The following IZUMO4 variants were observed in gnomAD, a reference collection of about 807,000 sequenced individuals.
IZUMO4 encodes izumo sperm-egg fusion protein 4.
IZUMO4 carries 51 observed loss-of-function variants against 37.1 expected under a neutral mutation model. The ratio of observed to expected loss-of-function variants is 1.38; its 90% CI spans 1.10 to 1.74. IZUMO4 has a LOEUF of 1.74. Among genes scored for constraint, IZUMO4 ranks in the 40% most tolerant of loss-of-function variants. IZUMO4 has a pLI of 0.00. For missense variants in IZUMO4, 364 were observed against 299.6 expected (o/e 1.21, Z -1.59); for synonymous variants, 162 against 121.4 (o/e 1.33, Z -2.20).
intron 7 of IZUMO4, 93 bp from the exon 8 acceptor site, chr19:2,098,694 C>T (rs1234840225): frequency 5.1e-6 from 8 of 1,573,082 alleles, no homozygotes; most frequent in East Asian, 4.5e-5. Context: ...TGGTTCCACC[C>T]CATCCCAGGT....
At chr19:2,098,746 G>T (rs779793731) in intron 7 of IZUMO4, 41 bp from the exon 8 acceptor site, 3 of 1,605,128 alleles carry the variant, frequency 1.9e-6, no homozygotes, top group South Asian at 2.2e-5. Context: ...ATGGTTAGGG[G>T]TGCCCCATGG....
At chr19:2,099,086 A>T (rs1315730196) in intron 9 of IZUMO4, 57 bp downstream of exon 9, 1 of 1,535,574 alleles carries the variant, frequency 6.5e-7, no homozygotes, top group Non-Finnish European at 9.0e-7. Flanking sequence ...AGCCAACACC[A>T]GCGTGCCGCG....
chr19:2,097,152 C>T lies in IZUMO4; in HGVS notation c.207C>T (p.Pro69=), dbSNP rs749219559. ...TGAAGGAGCTGCACCTGGCCATCCC[C>T]GCCAAGATCAGTGAGTGCCGGAGCC... ...DTMKELHLAI[P]AKITREKLDQ... The change falls in exon 1 of 10, where the codon CCC becomes CCT. Residue 69 remains proline (P), a synonymous_variant. Transcript: ENST00000395301. 6.2e-7 allele frequency: 1 copy of T among 1,610,522 alleles called. No homozygotes were observed. Among genetic ancestry groups the T allele is most frequent in the African/African-American group, 1.3e-5 (1 of 75,030 alleles).
At position 2,099,021 on chromosome 19, in the gene IZUMO4, C is replaced by G. The variant is rs776751611; in HGVS notation, c.600C>G (p.Thr200=). The change falls in exon 9 of 10, where the codon ACC becomes ACG. Residue 200 remains threonine (T), a synonymous_variant. Transcript: ENST00000395301. The part of the protein sequence containing the change: ...AFSWPGTHRA[T]PAFLVSPALR... ...CCTGGCCTGGGACACACAGAGCCAC[C>G]CCGGCCTTGTGAGTGACCCAGAGAA... The G allele has an allele frequency of 3.7e-6, 6 of 1,613,024 alleles. No individual in the cohort carries two copies. The highest frequency in any genetic ancestry group is 5.1e-6 in the Non-Finnish European group (6 of 1,179,906).
At position 2,099,052 on chromosome 19, in the gene IZUMO4, G is replaced by A. The variant is rs112632238; in HGVS notation, c.608+23G>A. The A allele has an allele frequency of 1.7e-3, 2,740 of 1,609,966 alleles. 42 individuals are homozygous for A. The African/African-American group carries it at 0.029, about 17-fold the overall frequency. ...CTTGTGAGTGACCCAGAGAAGGGAG[G>A]CCTCGGGAGAAGGGGTGCTCGTAAG... On this transcript the variant is annotated intron_variant, in intron 9 of 9. Transcript: ENST00000395301.
rs756177100 is a variant in IZUMO4 at position 2,097,480 on chromosome 19, A to C, written c.355A>C (p.Asn119His). 2 of 1,613,284 alleles carry C rather than the reference A, an allele frequency of 1.2e-6. No homozygotes were observed. The highest frequency in any genetic ancestry group is 2.2e-5 in the South Asian group (2 of 91,082). Residue 119 changes from asparagine to histidine, a missense_variant, in exon 3 of 10, where the codon AAC becomes CAC. Physicochemically the swap from Asn to His is moderately conservative, Grantham distance 68 (BLOSUM62 1). Coordinates refer to ENST00000395301, the MANE Select transcript of IZUMO4 (RefSeq NM_001039846.2). ...CCGGGAGCAGGTGCACCTCATCCAGAACGCCATCATCGAAAGTGAGCAAAT... is the reference window on the plus strand; with the variant it reads ...CCGGGAGCAGGTGCACCTCATCCAGCACGCCATCATCGAAAGTGAGCAAAT... The part of the protein sequence containing the change: ...IFREQVHLIQ[N>H]AIIESRIDCQ...
At chr19:2,098,686 G>A (rs1199588712) in intron 7 of IZUMO4, 101 bp from the exon 8 acceptor site, 7 of 1,571,448 alleles carry the variant, frequency 4.5e-6, no homozygotes, top group Non-Finnish European at 6.0e-6. Flanking sequence ...ATAGGGTCTG[G>A]TTCCACCCCA....
Position 2,099,302 on chromosome 19 carries a change from A to G in IZUMO4, c.656A>G (p.Asn219Ser). ...LRCLEPPHLA[N>S]LTLEDAAECL... ...TGTCTGGAGCCCCCACACTTGGCCA[A>G]CCTGACCTTGGAAGATGCTGCTGAG... The change falls in exon 10 of 10, where the codon AAC becomes AGC. Residue 219 changes from asparagine to serine, a missense_variant. Physicochemically the swap from Asn to Ser is conservative, Grantham distance 46 (BLOSUM62 1). Coordinates refer to ENST00000395301, the MANE Select transcript of IZUMO4 (RefSeq NM_001039846.2). 2 of 1,613,496 alleles carry G rather than the reference A, an allele frequency of 1.2e-6. No homozygotes were observed. The highest frequency in any genetic ancestry group is 1.7e-6 in the Non-Finnish European group (2 of 1,179,936).
rs1342423092 is a variant in IZUMO4 at position 2,098,059 on chromosome 19, C to T, written c.405C>T (p.Phe135=). 5 of 1,613,428 alleles carry T rather than the reference C, an allele frequency of 3.1e-6. No homozygotes were observed. The highest frequency in any genetic ancestry group is 1.1e-5 in the South Asian group (1 of 91,086). Residue 135 remains phenylalanine, a synonymous_variant, in exon 5 of 10, where the codon TTC becomes TTT. Coordinates refer to ENST00000395301, the MANE Select transcript of IZUMO4 (RefSeq NM_001039846.2). ...CTCTTGTACGTGTTTCAGGCATCTT[C>T]CAGTACGAGACCATCTCCTGCAACA... is the stretch of plus-strand genomic sequence containing the variant. ...RIDCQHRCGI[F]QYETISCNNC...
Position 2,097,171 on chromosome 19 carries a change from C to A in IZUMO4, c.217+9C>A, listed in dbSNP as rs1364751618. On this transcript the variant is annotated intron_variant, in intron 1 of 9. Coordinates refer to ENST00000395301, the MANE Select transcript of IZUMO4 (RefSeq NM_001039846.2). ...CATCCCCGCCAAGATCAGTGAGTGC[C>A]GGAGCCCAGCCCAGTCCCGACTACC... is the stretch of plus-strand genomic sequence containing the variant. 1 of 1,608,092 alleles carries A rather than the reference C, an allele frequency of 6.2e-7. No homozygotes were observed. The highest frequency in any genetic ancestry group is 1.3e-5 in the African/African-American group (1 of 74,878).
rs555307465 is a variant in IZUMO4 at position 2,099,536 on chromosome 19, G to A, written c.*191G>A. ...GGGCTGTGCGCAGCATCAGCGCCTGGGCAGGTCCGCAGAGCTGCGGGATGT... is the reference window on the plus strand; with the variant it reads ...GGGCTGTGCGCAGCATCAGCGCCTGAGCAGGTCCGCAGAGCTGCGGGATGT... On this transcript the variant is annotated 3_prime_UTR_variant, in exon 10 of 10. Coordinates refer to ENST00000395301, the MANE Select transcript of IZUMO4 (RefSeq NM_001039846.2). 3.7e-5 allele frequency: 22 copies of A among 592,292 alleles called. No homozygotes were observed. In the East Asian group the frequency reaches 6.1e-4, roughly 16 times the overall value. The allele number at this position is 592,292 out of a possible 1,614,324, so 36.7% of individuals were successfully genotyped here. A position where few individuals can be genotyped will look rare whatever the true frequency, so the allele number is the denominator to read the frequency against.
intron 2 of IZUMO4, 24 bp from the exon 3 acceptor site, chr19:2,097,400 C>T (rs1490907666): frequency 1.3e-6 from 2 of 1,596,944 alleles, no homozygotes; most frequent in African/African-American, 1.3e-5. Context: ...CTGAGCCTGA[C>T]CTTCTCCTGC....
intron 3 of IZUMO4, 140 bp from the exon 4 acceptor site, chr19:2,097,789 T>C (rs1269399412): frequency 1.8e-6 from 2 of 1,091,136 alleles, no homozygotes; most frequent in Middle Eastern, 2.1e-4. Flanking sequence ...CTCCGGGCCA[T>C]GGACACACAT....
chr19:2,098,296 G>C lies in IZUMO4; in HGVS notation c.483G>C (p.Ala161=), dbSNP rs146744834. 1 of 1,613,878 alleles carries C rather than the reference G, an allele frequency of 6.2e-7. No individual in the cohort carries two copies. The highest frequency in any genetic ancestry group is 1.7e-4 in the Middle Eastern group (1 of 6,040). Residue 161 remains alanine, a synonymous_variant, in exon 6 of 10, where the codon GCG becomes GCC. Coordinates refer to ENST00000395301, the MANE Select transcript of IZUMO4 (RefSeq NM_001039846.2). ...ACFGYNCESS[A]QWKSAVQGLL... ...AGCCTGTGTCCCACAGGTCCTCGGC[G>C]CAGTGGAAGTCAGCTGTCCAGGGCC...
intron 5 of IZUMO4, 72 bp from the exon 6 acceptor site, chr19:2,098,215 C>T: frequency 6.2e-7 from 1 of 1,611,462 alleles, no homozygotes; most frequent in Non-Finnish European, 8.5e-7. Flanking sequence ...CCCCGCCTTC[C>T]ACCTGGCTGT....
chr19:2,098,452 T>TAG lies in IZUMO4; in HGVS notation c.536+3_536+4insGA. On this transcript the variant is annotated splice_region_variant and intron_variant, in intron 7 of 9. Transcript: ENST00000395301. ...TCTTTGTAGAAATAACTGGCACAAGTAAGTCCCCTCCTCAAACCAACACAG... is the reference window on the plus strand; with the variant it reads ...TCTTTGTAGAAATAACTGGCACAAGTAGAAGTCCCCTCCTCAAACCAACACAG... 1 of 1,613,888 alleles carries TAG rather than the reference T, an allele frequency of 6.2e-7. No homozygotes were observed. The highest frequency in any genetic ancestry group is 8.5e-7 in the Non-Finnish European group (1 of 1,180,022).
rs1490090459 is a variant in IZUMO4 at position 2,097,040 on chromosome 19, A to G, written c.95A>G (p.Tyr32Cys). The G allele has an allele frequency of 1.2e-6, 2 of 1,612,538 alleles. No homozygotes were observed. Among genetic ancestry groups the G allele is most frequent in the African/African-American group, 1.3e-5 (1 of 75,024 alleles). Reference protein sequence around the residue: ...HSNFSKKFSFYRHHVNFKSWW... With the variant: ...HSNFSKKFSFCRHHVNFKSWW... ...AACTTCTCCAAGAAGTTCTCCTTCT[A>G]CCGCCACCATGTGAACTTCAAGTCC... The change falls in exon 1 of 10, where the codon TAC (tyrosine) becomes TGC (cysteine). Residue 32 changes from tyrosine to cysteine, a missense_variant. Tyr to Cys is a radical substitution (Grantham distance 194). Transcript: ENST00000395301.
chr19:2,097,671 C>T (rs776673193), intron 3 of IZUMO4, 176 bp downstream of exon 3: 9 of 719,340 alleles, frequency 1.3e-5, no homozygotes, highest in African/African-American at 3.5e-5. Context: ...GCCATCACCC[C>T]GCGGGGACCT....
At chr19:2,097,210 C>G (rs1247293296) in intron 1 of IZUMO4, 42 bp from the exon 2 acceptor site, 1 of 1,607,446 alleles carries the variant, frequency 6.2e-7, no homozygotes, top group Admixed American at 1.7e-5. Flanking sequence ...CCAGCGAGAC[C>G]CCGGGGCAGG....
Sources: gnomAD v4.1 joint callset for allele counts on GRCh38, gnomAD v4.1.1 for gene constraint, MANE v1.5 for transcripts, NCBI Gene and HGNC (gene_info 2026-07-23, HGNC 2026-07-21) for gene names.